Variants in RREB1 observed in about 807,000 individuals in gnomAD.
RREB1 encodes ras responsive element binding protein 1.
In RREB1, 27 loss-of-function variants were observed where a neutral mutation model predicts 117.8. The ratio of observed to expected loss-of-function variants is 0.23; its 90% CI spans 0.17 to 0.32. The LOEUF (loss-of-function observed/expected upper bound fraction) is 0.32, where lower values mean the gene tolerates loss of function less well. Ranked by LOEUF, RREB1 falls within the 10% of genes least tolerant of loss-of-function variation. The pLI, the probability that RREB1 is intolerant of heterozygous loss-of-function variation, is 1.00. For missense variants in RREB1, 2,577 were observed against 2,378.2 expected (o/e 1.08, Z -1.74); for synonymous variants, 1,298 against 1,026.7 (o/e 1.26, Z -5.05).
chr6:7,235,121 C>T (rs1387727268), intron 10 of RREB1, among the ~76,000 whole-genome samples: 3 of 152,242 alleles, frequency 2.0e-5, no homozygotes, highest in Non-Finnish European at 4.4e-5. Context: ...CATTAATTTC[C>T]TTTGCTGGGC....
rs200626583 is a variant in RREB1, at chr6:7,229,544, C to G, written c.1445C>G (p.Pro482Arg). ...CTGAAGATGGCAGCCTCGGCTCCCC[C>G]TCAGATCAGTCTTCCGCCCTTCTCC... ...QILKMAASAP[P>R]QISLPPFSKA... Residue 482 changes from proline (P) to arginine (R), a missense_variant, in exon 10 of 13, where the codon CCT becomes CGT. By Grantham distance (103) the Pro-to-Arg change is moderately radical (BLOSUM62 -2). Transcript: ENST00000379938. The surrounding 1 kb of genome is among the most constrained non-coding windows in gnomAD (Gnocchi z 4.5). The G allele has an allele frequency of 1.2e-6, 2 of 1,613,936 alleles. No individual in the cohort carries two copies. Among genetic ancestry groups the G allele is most frequent in the African/African-American group, 1.3e-5 (1 of 74,936 alleles).
intron 1 of RREB1, among the ~76,000 whole-genome samples, chr6:7,164,229 G>C (rs1763813528): frequency 6.6e-6 from 1 of 152,182 alleles, no homozygotes; most frequent in African/African-American, 2.4e-5. Context: ...GCTGGCTTCT[G>C]TTCCTCACCT....
chr6:7,160,122 A>AC (rs1763576970), intron 1 of RREB1, among the ~76,000 whole-genome samples: 1 of 146,588 alleles, frequency 6.8e-6, no homozygotes, highest in African/African-American at 2.5e-5. Flanking sequence ...TCTTTTTTGC[A>AC]TTTTTTTTTT....
Position 7,246,705 on chromosome 6 carries a change from G to A in RREB1, c.4255G>A (p.Asp1419Asn). The change falls in exon 12 of 13, where the codon GAC (aspartate) becomes AAC (asparagine). Residue 1419 changes from aspartate to asparagine, a missense_variant. Asp to Asn is a conservative substitution (Grantham distance 23). Coordinates refer to ENST00000379938, the MANE Select transcript of RREB1 (RefSeq NM_001003699.4). Reference sequence around the variant, plus strand: ...GTCGAGCAACCAGAGCCTGGACCTGGACTTCGCCACCAAGCTCATGGACTT... The same window carrying A: ...GTCGAGCAACCAGAGCCTGGACCTGAACTTCGCCACCAAGCTCATGGACTT... ...DASSNQSLDLDFATKLMDFKL... is the reference protein window; with the variant it reads ...DASSNQSLDLNFATKLMDFKL... 1.3e-6 allele frequency: 2 copies of A among 1,585,048 alleles called. No homozygotes were observed. Among genetic ancestry groups the A allele is most frequent in the Non-Finnish European group, 1.7e-6 (2 of 1,166,114 alleles).
At chr6:7,240,301 GTGTTT>G in intron 10 of RREB1, 132 bp from the exon 11 acceptor site, 1 of 476,428 alleles carries the variant, frequency 2.1e-6, no homozygotes, top group Non-Finnish European at 3.6e-6. Flanking sequence ...TTTTTCTAAT[GTGTTT>G]TGTTAATTTT....
At chr6:7,204,435 A>G (rs1766160428) in intron 6 of RREB1, among the ~76,000 whole-genome samples, 1 of 152,090 alleles carries the variant, frequency 6.6e-6, no homozygotes, top group Non-Finnish European at 1.5e-5. Context: ...ACATACACAC[A>G]TCTTTCTAGA....
chr6:7,166,487 G>T (rs948464229), intron 1 of RREB1, among the ~76,000 whole-genome samples: 1 of 152,144 alleles, frequency 6.6e-6, no homozygotes, highest in East Asian at 1.9e-4. Context: ...ATGGCGGAGG[G>T]CAGCCCATGC....
At chr6:7,231,953 T>C (rs9505086) in intron 10 of RREB1, 46 bp downstream of exon 10, 598,708 of 1,520,778 alleles carry the variant, frequency 0.39, 119,529 homozygotes, top group African/African-American at 0.53. Flanking sequence ...TACTTCCTGG[T>C]AGGGGGAGCC....
chr6:7,153,836 T>C (rs986622745), intron 1 of RREB1, among the ~76,000 whole-genome samples: 1 of 152,218 alleles, frequency 6.6e-6, no homozygotes, highest in Non-Finnish European at 1.5e-5. Context: ...GTCTGGCAGC[T>C]CTCTAGTATA....
intron 1 of RREB1, among the ~76,000 whole-genome samples, chr6:7,135,950 T>G (rs2113368649): frequency 6.6e-6 from 1 of 152,288 alleles, no homozygotes; most frequent in African/African-American, 2.4e-5. Flanking sequence ...GTGGTGGACC[T>G]GGTGAGAGAG....
rs112514904 is a variant in RREB1, at chr6:7,113,382, T to A, written c.-285+5322T>A. 7.2e-4 allele frequency among the ~76,000 whole-genome samples: 110 copies of A among 152,374 alleles called. 1 individual carries two copies. Among genetic ancestry groups the A allele is most frequent in the Non-Finnish European group, 1.2e-3 (85 of 68,032 alleles). ...CAGAGACTATGGGATAGAATTGTTA[T>A]GAAAGTGTCTGATACTTCTGGTGGT... On this transcript the variant is annotated intron_variant, in intron 1 of 12. Coordinates refer to ENST00000379938, the MANE Select transcript of RREB1 (RefSeq NM_001003699.4).
chr6:7,130,560 G>C (rs372615234), intron 1 of RREB1, among the ~76,000 whole-genome samples: 1 of 152,046 alleles, frequency 6.6e-6, no homozygotes, highest in East Asian at 1.9e-4. Context: ...TTAGTCATGG[G>C]GTTCACTAGT....
At chr6:7,195,423 C>T (rs886967071) in intron 6 of RREB1, among the ~76,000 whole-genome samples, 1 of 152,100 alleles carries the variant, frequency 6.6e-6, no homozygotes, top group Non-Finnish European at 1.5e-5. Context: ...TTATTTGCCC[C>T]GGTGGATCTG....
At chr6:7,176,252 C>T (rs1311120522) in intron 1 of RREB1, among the ~76,000 whole-genome samples, 2 of 152,150 alleles carry the variant, frequency 1.3e-5, no homozygotes, top group Admixed American at 1.3e-4. Flanking sequence ...TATTTTTCCC[C>T]CTCTGTTTCT....
intron 10 of RREB1, among the ~76,000 whole-genome samples, chr6:7,233,945 G>T (rs906775492): frequency 6.6e-6 from 1 of 152,190 alleles, no homozygotes; most frequent in Non-Finnish European, 1.5e-5. Flanking sequence ...CTCAGTGGCT[G>T]CACTGGTCAC....
chr6:7,116,156 AG>A (rs1213726466), intron 1 of RREB1, among the ~76,000 whole-genome samples: 1 of 152,196 alleles, frequency 6.6e-6, no homozygotes, highest in Non-Finnish European at 1.5e-5. Context: ...TGTTGTCTAC[AG>A]GAAGAAATCC....
intron 6 of RREB1, among the ~76,000 whole-genome samples, chr6:7,197,318 T>A (rs571723721): frequency 6.6e-6 from 1 of 152,360 alleles, no homozygotes; most frequent in South Asian, 2.1e-4. Context: ...TGTCTTACAT[T>A]TAAGGGCATG....
chr6:7,231,115 C>G lies in RREB1; in HGVS notation c.3016C>G (p.Gln1006Glu). Residue 1006 changes from glutamine (Q) to glutamate (E), a missense_variant, in exon 10 of 13, where the codon CAG (glutamine) becomes GAG (glutamate). Transcript: ENST00000379938. ...APAATPEPPA[Q>E]PLQGPVQLAV... ...GGCGGCCACCCCGGAACCCCCAGCACAGCCCCTGCAGGGCCCTGTTCAGCT... is the reference window on the plus strand; with the variant it reads ...GGCGGCCACCCCGGAACCCCCAGCAGAGCCCCTGCAGGGCCCTGTTCAGCT... 6.2e-7 allele frequency: 1 copy of G among 1,612,890 alleles called. No individual in the cohort carries two copies.
intron 1 of RREB1, among the ~76,000 whole-genome samples, chr6:7,145,847 A>G (rs989178751): frequency 3.3e-5 from 5 of 151,472 alleles, no homozygotes; most frequent in Admixed American, 1.3e-4. Flanking sequence ...AGCTGCCCCT[A>G]TGCCTGTGGG....
Sources: gnomAD v4.1 joint callset for allele counts (sites outside exome capture counted in the v4.1 genomes callset) on GRCh38, gnomAD v4.1.1 for gene constraint, Gnocchi (gnomAD v3.1) non-coding constraint, MANE v1.5 for transcripts, NCBI Gene and HGNC (gene_info 2026-07-23, HGNC 2026-07-21) for gene names.